Variants in DMGDH observed in about 807,000 individuals in gnomAD.
DMGDH encodes the protein dimethylglycine dehydrogenase.
In DMGDH, 76 loss-of-function variants were observed where a neutral mutation model predicts 95.2. The ratio of observed to expected loss-of-function variants is 0.80; its 90% CI spans 0.66 to 0.97. The LOEUF (loss-of-function observed/expected upper bound fraction) is 0.97. Among genes scored for constraint, DMGDH ranks in the 50% least tolerant of loss-of-function variants. The pLI is 0.00. For missense variants in DMGDH, 987 were observed against 1,055.0 expected, an observed-to-expected ratio of 0.94 and a Z score of 0.89; for synonymous variants, 345 against 377.6, an observed-to-expected ratio of 0.91 and a Z score of 1.00.
At chr5:79,047,907 G>A (rs1754728479) in intron 5 of DMGDH, among the ~76,000 whole-genome samples, 1 of 151,976 alleles carries the variant, frequency 6.6e-6, no homozygotes, top group Non-Finnish European at 1.5e-5. Flanking sequence ...TTGAAGCTTG[G>A]GAAACTTCCC....
rs1412183213 is a variant in DMGDH at position 79,017,259 on chromosome 5, T to C, written c.2250+7012A>G. The stretch of plus-strand genomic sequence containing the variant: ...ATGAGACAAATGAAAAGTCAAGACA[T>C]CTGAAAAAAATTTGCAAAGCATGTA... On this transcript the variant is annotated intron_variant, in intron 14 of 15. Transcript: ENST00000255189. 2.0e-5 allele frequency among the ~76,000 whole-genome samples: 3 copies of C among 151,568 alleles called. No individual in the cohort carries two copies. In the East Asian group the frequency reaches 5.8e-4, roughly 29 times the overall value.
In DMGDH at chr5:79,030,383, G is replaced by A. The variant is rs942921480; in HGVS notation, c.1684-349C>T. ...AATTAGCTTGTAGGCTGGGTGTGGTGGCTCATACCTGTAATCCCAGCACTT... is the reference window on the plus strand; with the variant it reads ...AATTAGCTTGTAGGCTGGGTGTGGTAGCTCATACCTGTAATCCCAGCACTT... On this transcript the variant is annotated intron_variant, in intron 10 of 15. Coordinates refer to ENST00000255189, the MANE Select transcript of DMGDH (RefSeq NM_013391.3). 3 of 263,286 alleles carry A rather than the reference G, an allele frequency of 1.1e-5. No individual in the cohort carries two copies. In the South Asian group the frequency reaches 1.4e-4, roughly 12 times the overall value. The allele number at this position is 263,286 out of a possible 1,614,324, so 16.3% of individuals were successfully genotyped here.
intron 5 of DMGDH, among the ~76,000 whole-genome samples, chr5:79,049,712 T>C (rs1754780864): frequency 6.6e-6 from 1 of 152,200 alleles, no homozygotes; most frequent in African/African-American, 2.4e-5. Flanking sequence ...GAGAGGATAG[T>C]GTCAGATGGA....
At chr5:79,064,795 C>G (rs182591807) in intron 1 of DMGDH, among the ~76,000 whole-genome samples, 2 of 152,058 alleles carry the variant, frequency 1.3e-5, no homozygotes, top group African/African-American at 4.8e-5. Flanking sequence ...TTTTGCCCAG[C>G]CTAGAGTACA....
chr5:79,058,300 C>T (rs912389921), intron 2 of DMGDH, among the ~76,000 whole-genome samples: 9 of 152,138 alleles, frequency 5.9e-5, no homozygotes, highest in African/African-American at 1.9e-4. Context: ...CCCATATTAG[C>T]GCTTCCATTT....
At chr5:79,065,806 AT>A (rs1228075630) in intron 1 of DMGDH, among the ~76,000 whole-genome samples, 1 of 152,216 alleles carries the variant, frequency 6.6e-6, no homozygotes, top group Non-Finnish European at 1.5e-5. Flanking sequence ...TGCATATGAC[AT>A]TATGACAGCT....
intron 14 of DMGDH, among the ~76,000 whole-genome samples, chr5:79,008,551 C>T (rs981568497): frequency 1.6e-4 from 25 of 152,024 alleles, no homozygotes; most frequent in Non-Finnish European, 2.8e-4. Context: ...CCTCTGGAGG[C>T]GATGTGGTGG....
At position 79,025,631 on chromosome 5, in the gene DMGDH, C is replaced by T. The variant is rs557734473; in HGVS notation, c.2190+793G>A. On this transcript the variant is annotated intron_variant, in intron 13 of 15. Coordinates refer to ENST00000255189, the MANE Select transcript of DMGDH (RefSeq NM_013391.3). ...GGAGGGTTAAGCCAGATAGCTGGTG[C>T]GTGGTGGAGGAAAAATTCAAACCCA... Among the ~76,000 whole-genome samples, 96 of 152,288 alleles carry T rather than the reference C, an allele frequency of 6.3e-4. 2 individuals carry two copies. Among genetic ancestry groups the T allele is most frequent in the African/African-American group, 1.9e-3 (77 of 41,552 alleles).
At chr5:79,046,561 A>G (rs911850079) in intron 5 of DMGDH, among the ~76,000 whole-genome samples, 1 of 151,824 alleles carries the variant, frequency 6.6e-6, no homozygotes, top group Non-Finnish European at 1.5e-5. Context: ...CTAATTTTGT[A>G]TCTTTTATGT....
intron 2 of DMGDH, among the ~76,000 whole-genome samples, chr5:79,061,038 G>A (rs971719595): frequency 2.6e-4 from 39 of 151,968 alleles, no homozygotes; most frequent in Admixed American, 2.0e-3. Flanking sequence ...CCTGGACAAC[G>A]TAGGGAGACC....
intron 10 of DMGDH, 147 bp from the exon 11 acceptor site, chr5:79,030,181 C>A: frequency 1.4e-6 from 1 of 702,966 alleles, no homozygotes; most frequent in South Asian, 2.1e-5. Context: ...TATCTGTAAA[C>A]CTAAACCCAA....
intron 7 of DMGDH, among the ~76,000 whole-genome samples, chr5:79,038,166 C>T (rs749898410): frequency 6.6e-5 from 10 of 152,110 alleles, no homozygotes; most frequent in Non-Finnish European, 1.2e-4. Context: ...TACTACAAAG[C>T]TAGTAACTTC....
At chr5:79,054,410 T>C (rs1284827037) in intron 3 of DMGDH, 62 bp from the exon 4 acceptor site, 6 of 1,500,754 alleles carry the variant, frequency 4.0e-6, no homozygotes, top group Non-Finnish European at 5.6e-6. Context: ...CAAACATGGT[T>C]CTGCTCCAGT....
At chr5:79,030,755 G>A in intron 10 of DMGDH, 78 bp downstream of exon 10, 2 of 1,471,178 alleles carry the variant, frequency 1.4e-6, no homozygotes, top group Non-Finnish European at 1.9e-6. Context: ...AAATCATTAG[G>A]TGAACTAAAA....
chr5:79,014,375 C>CA (rs1753692785), intron 14 of DMGDH, among the ~76,000 whole-genome samples: 1 of 152,148 alleles, frequency 6.6e-6, no homozygotes, highest in South Asian at 2.1e-4. Context: ...GTGGCTTTAT[C>CA]AGATTTATGT....
chr5:79,050,651 A>G (rs1029949979), intron 5 of DMGDH, among the ~76,000 whole-genome samples: 1 of 152,244 alleles, frequency 6.6e-6, no homozygotes, highest in Non-Finnish European at 1.5e-5. Context: ...TGGCTCTGAC[A>G]TAACGATCAG....
In DMGDH at chr5:79,044,470, C is replaced by A. The variant is rs375361080; in HGVS notation, c.828G>T (p.Ser276=). 45 of 1,614,080 alleles carry A rather than the reference C, an allele frequency of 2.8e-5. No homozygotes were observed. The East Asian group carries it at 9.8e-4, about 35-fold the overall frequency. ...TCAAAGCTTTCACTTCAGATATAGTCGATGTAACAACATATTGATGTTGAA... is the reference window on the plus strand; with the variant it reads ...TCAAAGCTTTCACTTCAGATATAGTAGATGTAACAACATATTGATGTTGAA... ...IPVQHQYVVT[S]TISEVKALKR... is the part of the protein sequence containing the mutation. The change falls in exon 6 of 16, where the codon TCG becomes TCT. Residue 276 remains serine, a synonymous_variant. Transcript: ENST00000255189.
At chr5:79,053,381 A>C (rs1054640900) in intron 4 of DMGDH, among the ~76,000 whole-genome samples, 1 of 152,130 alleles carries the variant, frequency 6.6e-6, no homozygotes, top group Non-Finnish European at 1.5e-5. Flanking sequence ...GCCTAGGCTA[A>C]TCTTGAACTC....
At chr5:79,053,745 G>A (rs1481131234) in intron 4 of DMGDH, among the ~76,000 whole-genome samples, 2 of 152,192 alleles carry the variant, frequency 1.3e-5, no homozygotes, top group Non-Finnish European at 2.9e-5. Context: ...TCTGTAAGGG[G>A]AGTACAGCTA....
Sources: gnomAD v4.1 joint callset for allele counts (sites outside exome capture counted in the v4.1 genomes callset) on GRCh38, gnomAD v4.1.1 for gene constraint, MANE v1.5 for transcripts, NCBI Gene and HGNC (gene_info 2026-07-23, HGNC 2026-07-21) for gene names.